HELZ: variants seen among roughly 807,000 people sequenced by gnomAD.
HELZ encodes the protein ATP-dependent RNA helicase with zinc finger domain.
In HELZ, 23 loss-of-function variants were observed where a neutral mutation model predicts 218.2. The ratio of observed to expected loss-of-function variants is 0.11; its 90% confidence interval spans 0.08 to 0.15. The LOEUF (loss-of-function observed/expected upper bound fraction) is 0.15, where lower values mean the gene tolerates loss of function less well. Among genes scored for constraint, HELZ ranks in the 10% least tolerant of loss-of-function variants. HELZ has a pLI of 1.00. For synonymous variants in HELZ, 814 were observed against 829.4 expected (o/e 0.98, Z 0.32); for missense variants, 1,813 against 2,353.7 (o/e 0.77, Z 4.75).
intron 5 of HELZ, among the ~76,000 whole-genome samples, chr17:67,207,211 C>CTTTTT (rs61019173): frequency 2.6e-5 from 2 of 75,562 alleles, no homozygotes; most frequent in African/African-American, 7.3e-5. Context: ...CACGCCCGGC[C>CTTTTT]TTTTTTTTTT....
intron 5 of HELZ, among the ~76,000 whole-genome samples, chr17:67,212,588 A>G (rs1016278211): frequency 6.6e-6 from 1 of 152,194 alleles, no homozygotes. Flanking sequence ...ATACATGTAT[A>G]ATCTTGGCCA....
intron 15 of HELZ, 140 bp from the exon 16 acceptor site, chr17:67,161,216 A>G: frequency 1.7e-6 from 1 of 600,928 alleles, no homozygotes; most frequent in Non-Finnish European, 2.8e-6. Flanking sequence ...CTTATTCTAA[A>G]GCTACTTTTT....
chr17:67,176,566 T>C (rs2039463701), intron 13 of HELZ: 1 of 152,242 alleles, frequency 6.6e-6, no homozygotes, highest in South Asian at 2.1e-4. Context: ...CCAGGGGCGG[T>C]GGCTCATGCC....
At chr17:67,128,398 T>TTA (rs1288007540) in intron 24 of HELZ, 3 of 488,306 alleles carry the variant, frequency 6.1e-6, no homozygotes, top group African/African-American at 5.7e-5. Flanking sequence ...GAAGGTTATT[T>TTA]TATATAAATG....
At chr17:67,145,101 C>T (rs2038452951) in intron 21 of HELZ, among the ~76,000 whole-genome samples, 1 of 152,072 alleles carries the variant, frequency 6.6e-6, no homozygotes, top group Admixed American at 6.5e-5. Context: ...CCATGCCGCC[C>T]CTAATGATAT....
chr17:67,134,524 C>A (rs1381049434), intron 23 of HELZ, among the ~76,000 whole-genome samples: 1 of 151,974 alleles, frequency 6.6e-6, no homozygotes, highest in Non-Finnish European at 1.5e-5. Context: ...ACCCTTCAAG[C>A]TTTGTTTTTT....
intron 31 of HELZ, among the ~76,000 whole-genome samples, chr17:67,101,653 T>G (rs1403739847): frequency 6.6e-6 from 1 of 152,144 alleles, no homozygotes; most frequent in Non-Finnish European, 1.5e-5. Context: ...AAACTGAACT[T>G]TTGGAAGCTC....
rs757587566 is a variant in HELZ, at chr17:67,109,100, C to T, written c.4489+16G>A. 7 of 1,547,776 alleles carry T rather than the reference C, an allele frequency of 4.5e-6. No homozygotes were observed. The highest frequency in any genetic ancestry group is 1.4e-5 in the African/African-American group (1 of 72,604). On this transcript the variant is annotated intron_variant, in intron 29 of 32. Coordinates refer to ENST00000358691, the MANE Select transcript of HELZ (RefSeq NM_014877.4). The stretch of plus-strand genomic sequence containing the variant: ...GTAATCTCTGAATTTTCACATCTGG[C>T]AGTAATAGAACTTACCTAAAGCCTC...
chr17:67,241,348 G>A (rs1288810466), intron 2 of HELZ, among the ~76,000 whole-genome samples: 1 of 152,176 alleles, frequency 6.6e-6, no homozygotes, highest in Non-Finnish European at 1.5e-5. Context: ...CTTATTTCTT[G>A]TATGGGGCCT....
chr17:67,122,237 T>TA (rs750899205), intron 26 of HELZ, among the ~76,000 whole-genome samples: 17 of 152,064 alleles, frequency 1.1e-4, no homozygotes, highest in Non-Finnish European at 2.2e-4. Flanking sequence ...ACCCTGTCTC[T>TA]ACCAATACAA....
At chr17:67,227,174 T>A (rs568203854) in intron 3 of HELZ, among the ~76,000 whole-genome samples, 1 of 152,052 alleles carries the variant, frequency 6.6e-6, no homozygotes, top group Admixed American at 6.6e-5. Context: ...TTTTAAAATA[T>A]GACCTAAATG....
chr17:67,179,814 G>A (rs894239543), intron 12 of HELZ: 2 of 151,804 alleles, frequency 1.3e-5, no homozygotes, highest in Admixed American at 6.6e-5. Context: ...TTGGAAAAAC[G>A]GTTTCACAAC....
At chr17:67,104,876 CT>C (rs1230048753) in intron 31 of HELZ, among the ~76,000 whole-genome samples, 3 of 152,150 alleles carry the variant, frequency 2.0e-5, no homozygotes, top group Non-Finnish European at 4.4e-5. Context: ...AATCCCAGCA[CT>C]TTGGGAGGCT....
At chr17:67,089,492 C>T (rs9897354) in intron 31 of HELZ, among the ~76,000 whole-genome samples, 54,648 of 151,250 alleles carry the variant, frequency 0.36, 10,505 homozygotes, top group East Asian at 0.69. Context: ...TATTGTATAA[C>T]CTATCTACAG....
chr17:67,225,179 C>A, intron 3 of HELZ: 1 of 359,320 alleles, frequency 2.8e-6, no homozygotes, highest in East Asian at 6.5e-5. Flanking sequence ...ACTGAAGGTT[C>A]ATCGTGTGCC....
Position 67,140,785 on chromosome 17 carries a change from T to C in HELZ, c.2770-2671A>G, listed in dbSNP as rs766915591. On this transcript the variant is annotated intron_variant, in intron 21 of 32. Transcript: ENST00000358691. ...GAGACCCACACCCAGACAACCATAT[T>C]AAAAACTAAAGTCAAAGACAAAAAT... Among the ~76,000 whole-genome samples the C allele has an allele frequency of 9.2e-5, 14 of 152,152 alleles. No individual in the cohort carries two copies. In the South Asian group the frequency reaches 1.9e-3, roughly 20 times the overall value.
chr17:67,129,804 C>T (rs535519938), intron 23 of HELZ, among the ~76,000 whole-genome samples: 3 of 152,094 alleles, frequency 2.0e-5, no homozygotes, highest in African/African-American at 7.2e-5. Context: ...TTATTAAATA[C>T]ATATTACAAA....
Position 67,160,315 on chromosome 17 carries a change from T to C in HELZ, c.2123A>G (p.Lys708Arg). 1 of 1,612,766 alleles carries C rather than the reference T, an allele frequency of 6.2e-7. No individual in the cohort carries two copies. Among genetic ancestry groups the C allele is most frequent in the Non-Finnish European group, 8.5e-7 (1 of 1,179,120 alleles). Residue 708 changes from lysine (K) to arginine (R), a missense_variant, in exon 17 of 33, where the codon AAG becomes AGG. Lys to Arg is a conservative substitution (Grantham distance 26). Around this residue, in one of 4 missense-constraint regions of HELZ, gnomAD observed 714 missense variants for 1,029.2 expected, o/e 0.69. Coordinates refer to ENST00000358691, the MANE Select transcript of HELZ (RefSeq NM_014877.4). ...HSNSAADLYIKDYLHPYVEAG... is the reference protein window; with the variant it reads ...HSNSAADLYIRDYLHPYVEAG... ...TTCTACATATGGATGTAAATAATCC[T>C]TTATGTAGAGATCAGCAGCACTATT...
chr17:67,117,879 A>C (rs2037477462), intron 27 of HELZ, among the ~76,000 whole-genome samples: 1 of 152,138 alleles, frequency 6.6e-6, no homozygotes, highest in Non-Finnish European at 1.5e-5. Flanking sequence ...CTGAAAAAAA[A>C]ATAAAGACCT....
Sources: allele counts gnomAD v4.1 joint callset (sites outside exome capture counted in the v4.1 genomes callset), GRCh38; gene constraint gnomAD v4.1.1; regional missense constraint gnomAD v4.1.1; transcripts MANE v1.5; gene names NCBI Gene and HGNC (gene_info 2026-07-23, HGNC 2026-07-21).